THADA: variants seen among roughly 807,000 people sequenced by gnomAD.
THADA encodes the protein THADA armadillo repeat containing.
Under a neutral mutation model 219.8 loss-of-function variants are expected in THADA, and 213 were observed. The observed-to-expected ratio is 0.97, with a 90% CI of 0.87 to 1.09. The LOEUF (loss-of-function observed/expected upper bound fraction) is 1.09. Among genes scored for constraint, THADA ranks in the 50% least tolerant of loss-of-function variants. The pLI, the probability that THADA is intolerant of heterozygous loss-of-function variation, is 0.00. For synonymous variants in THADA, 1,018 were observed against 828.9 expected (o/e 1.23, Z -3.92); for missense variants, 2,956 against 2,311.3 (o/e 1.28, Z -5.72).
At position 43,586,880 on chromosome 2, in the gene THADA, G is replaced by T. The variant is rs764492617; in HGVS notation, c.425C>A (p.Ser142Tyr). The change falls in exon 5 of 38, where the codon TCT becomes TAT. Residue 142 changes from serine (S) to tyrosine (Y), a missense_variant. By Grantham distance (144) the Ser-to-Tyr change is moderately radical. Coordinates refer to ENST00000405975, the MANE Select transcript of THADA (RefSeq NM_022065.5). ...CAAGTTAAAGTTCTCCATACAGGAA[G>T]AAATATTGTCAGTAACTTTCCTGTA... ...YSYRKVTDNISSCMENFNLGR... is the reference protein window; with the variant it reads ...YSYRKVTDNIYSCMENFNLGR... 1 of 1,613,902 alleles carries T rather than the reference G, an allele frequency of 6.2e-7. No homozygotes were observed. The highest frequency in any genetic ancestry group is 1.1e-5 in the South Asian group (1 of 91,066).
chr2:43,308,473 G>C (rs1414410662), intron 31 of THADA, among the ~76,000 whole-genome samples: 1 of 152,118 alleles, frequency 6.6e-6, no homozygotes, highest in Non-Finnish European at 1.5e-5. Flanking sequence ...GGGAGGCCAC[G>C]ATAGGAGGAG....
At chr2:43,412,344 A>G (rs1205890077) in intron 28 of THADA, among the ~76,000 whole-genome samples, 1 of 152,204 alleles carries the variant, frequency 6.6e-6, no homozygotes, top group Non-Finnish European at 1.5e-5. Context: ...CCAAGATTAA[A>G]AATAAAGTGC....
chr2:43,245,195 C>T (rs1170602402), intron 36 of THADA, among the ~76,000 whole-genome samples: 1 of 44,752 alleles, frequency 2.2e-5, no homozygotes, highest in Non-Finnish European at 3.7e-5. Context: ...TTTTTTGAGA[C>T]GGAGTCTTGC....
chr2:43,531,472 C>A (rs1471483107), intron 21 of THADA, among the ~76,000 whole-genome samples: 2 of 152,122 alleles, frequency 1.3e-5, no homozygotes, highest in African/African-American at 4.8e-5. Context: ...AAGGACAAGG[C>A]TACAAGGAAG....
chr2:43,398,253 C>A, intron 28 of THADA, 114 bp from the exon 29 acceptor site: 1 of 1,088,430 alleles, frequency 9.2e-7, no homozygotes, highest in Non-Finnish European at 1.3e-6. Context: ...TAGGGGGAGA[C>A]AGGAGCTGCT....
chr2:43,269,227 AG>A lies in THADA; in HGVS notation c.5296+10537del, dbSNP rs538890747. Among the ~76,000 whole-genome samples the A allele has an allele frequency of 3.1e-3, 465 of 152,354 alleles. 2 individuals are homozygous for A. Among genetic ancestry groups the A allele is most frequent in the Non-Finnish European group, 3.2e-3 (216 of 68,034 alleles). Reference sequence around the variant, plus strand: ...ACCAGATGGCCTAAGCCTCAGACTGAGGGCTTATCATCACCCACAGGGGTCA... The same window carrying A: ...ACCAGATGGCCTAAGCCTCAGACTGAGGCTTATCATCACCCACAGGGGTCA... On this transcript the variant is annotated intron_variant, in intron 36 of 37. Coordinates refer to ENST00000405975, the MANE Select transcript of THADA (RefSeq NM_022065.5).
At chr2:43,476,083 C>T (rs1345463345) in intron 26 of THADA, among the ~76,000 whole-genome samples, 2 of 152,164 alleles carry the variant, frequency 1.3e-5, no homozygotes, top group Non-Finnish European at 2.9e-5. Context: ...CAACCCCAGA[C>T]CCAACTGATG....
At chr2:43,497,516 A>G (rs1291062603) in intron 25 of THADA, among the ~76,000 whole-genome samples, 1 of 152,162 alleles carries the variant, frequency 6.6e-6, no homozygotes, top group African/African-American at 2.4e-5. Flanking sequence ...AAGGGGAACA[A>G]CACACACCAG....
chr2:43,565,200 G>A (rs1698520364), intron 15 of THADA: 1 of 152,238 alleles, frequency 6.6e-6, no homozygotes, highest in East Asian at 1.9e-4. Context: ...CACTTTGGGA[G>A]ACTAAGCAAG....
chr2:43,528,224 G>A (rs112793491), intron 21 of THADA, among the ~76,000 whole-genome samples: 15,006 of 145,320 alleles, frequency 0.1, 797 homozygotes, highest in South Asian at 0.14. Context: ...TCCACCTCCT[G>A]GGTTCAAGTG....
intron 36 of THADA, among the ~76,000 whole-genome samples, chr2:43,246,426 T>G (rs541558188): frequency 6.6e-6 from 1 of 151,466 alleles, no homozygotes; most frequent in Non-Finnish European, 1.5e-5. Context: ...ACCCGGGAGG[T>G]GGAGGTTGCA....
chr2:43,335,975 C>T (rs7569721), intron 30 of THADA, among the ~76,000 whole-genome samples: 119,566 of 151,578 alleles, frequency 0.79, 48,164 homozygotes, highest in Middle Eastern at 0.87. Flanking sequence ...CGGGCGCCTG[C>T]AGTCCCAGCT....
rs140145213 is a variant in THADA at position 43,376,801 on chromosome 2, T to A, written c.4227+21170A>T. On this transcript the variant is annotated intron_variant, in intron 29 of 37. Transcript: ENST00000405975. ...AGAAAGTAGGGTGGCCTAGAATGAG[T>A]TTGTCCAGGGAATTAAGATTCATGG... 4.6e-5 allele frequency among the ~76,000 whole-genome samples: 7 copies of A among 152,208 alleles called. No individual in the cohort carries two copies. In the East Asian group the frequency reaches 1.2e-3, roughly 25 times the overall value.
chr2:43,412,257 A>G (rs527333427), intron 28 of THADA, among the ~76,000 whole-genome samples: 3 of 152,288 alleles, frequency 2.0e-5, no homozygotes, highest in Admixed American at 6.5e-5. Flanking sequence ...TGCCTATCAA[A>G]ATAATACTAC....
chr2:43,541,088 G>A, intron 21 of THADA, 71 bp downstream of exon 21: 1 of 1,380,252 alleles, frequency 7.2e-7, no homozygotes, highest in South Asian at 1.7e-5. Flanking sequence ...TTTTAGAGTT[G>A]GGTTATAAAA....
chr2:43,392,129 T>C (rs988178937), intron 29 of THADA, among the ~76,000 whole-genome samples: 1 of 152,200 alleles, frequency 6.6e-6, no homozygotes. Context: ...ATGGAATCTA[T>C]CAAGAAATGT....
At chr2:43,330,510 A>G (rs1443239692) in intron 30 of THADA, among the ~76,000 whole-genome samples, 4 of 152,186 alleles carry the variant, frequency 2.6e-5, no homozygotes, top group Non-Finnish European at 4.4e-5. Flanking sequence ...GAGCAGCTTA[A>G]TATGAGGGCA....
chr2:43,291,454 C>CAAAAAAAAAAAAAAAAAAAAAAAAAA (rs765352765), intron 34 of THADA, among the ~76,000 whole-genome samples: 3 of 8,092 alleles, frequency 3.7e-4, no homozygotes, highest in African/African-American at 1.4e-3. Context: ...AACTCCATCT[C>CAAAAAAAAAAAAAAAAAAAAAAAAAA]AAAAAAAAAA....
chr2:43,566,151 C>A (rs1442660175), intron 15 of THADA: 4 of 318,690 alleles, frequency 1.3e-5, no homozygotes, highest in African/African-American at 4.3e-5. Context: ...AAAAAAGATT[C>A]AAAGAGGGAA....
Sources: allele counts gnomAD v4.1 joint callset (sites outside exome capture counted in the v4.1 genomes callset), GRCh38; gene constraint gnomAD v4.1.1; transcripts MANE v1.5; gene names NCBI Gene and HGNC (gene_info 2026-07-23, HGNC 2026-07-21).